Variants in SNX13 observed in about 807,000 individuals in gnomAD.
SNX13 encodes the protein sorting nexin-13.
In SNX13, 45 loss-of-function variants were observed where a neutral mutation model predicts 133.6. That is an observed-to-expected ratio of 0.34 (90% confidence interval 0.27 to 0.43). SNX13 has a LOEUF of 0.43. SNX13 is among the 20% of genes least tolerant of loss of function. The probability of loss-of-function intolerance (pLI) is 1.00; values close to 1 mark genes in which losing one functional copy is unlikely to be tolerated. For synonymous variants in SNX13, 414 were observed against 373.9 expected (o/e 1.11, Z -1.24); for missense variants, 1,032 against 1,145.1 (o/e 0.90, Z 1.43).
intron 9 of SNX13, among the ~76,000 whole-genome samples, chr7:17,867,321 C>T (rs10265830): frequency 1.1e-4 from 17 of 152,176 alleles, no homozygotes; most frequent in African/African-American, 3.9e-4. Flanking sequence ...AATAAAACAA[C>T]AGCAGCCAGG....
intron 5 of SNX13, 88 bp from the exon 6 acceptor site, chr7:17,875,878 T>C (rs975515516): frequency 1.9e-6 from 2 of 1,043,454 alleles, no homozygotes; most frequent in Non-Finnish European, 2.7e-6. Context: ...ACAAACAACA[T>C]GATTATCTGA....
At chr7:17,805,250 T>TGTGTGTGTGTGTGTGCGCGCGCGCGC in intron 20 of SNX13, among the ~76,000 whole-genome samples, 6 of 95,556 alleles carry the variant, frequency 6.3e-5, no homozygotes, top group Non-Finnish European at 1.0e-4. Flanking sequence ...TGTGTGTGTG[T>TGTGTGTGTGTGTGTGCGCGCGCGCGC]GCGTGCGCGC....
At chr7:17,872,653 G>C (rs1794250189) in intron 8 of SNX13, among the ~76,000 whole-genome samples, 1 of 152,164 alleles carries the variant, frequency 6.6e-6, no homozygotes. Flanking sequence ...CCCCAAGCTA[G>C]GTAGATGTTA....
intron 20 of SNX13, among the ~76,000 whole-genome samples, chr7:17,806,244 G>A (rs540628589): frequency 2.0e-5 from 3 of 152,128 alleles, no homozygotes; most frequent in Middle Eastern, 3.2e-3. Context: ...GAAAGATACT[G>A]TGTACAAAGG....
chr7:17,831,455 G>C, intron 15 of SNX13: 1 of 945,166 alleles, frequency 1.1e-6, no homozygotes, highest in Non-Finnish European at 1.3e-6. Flanking sequence ...AGGAAGAAAT[G>C]AGGAGAAAAG....
At chr7:17,827,374 T>C (rs924976388) in intron 16 of SNX13, among the ~76,000 whole-genome samples, 1 of 152,034 alleles carries the variant, frequency 6.6e-6, no homozygotes, top group South Asian at 2.1e-4. Context: ...TTAAAAATAA[T>C]AGGATGTGAA....
At chr7:17,799,715 T>C (rs2723553) in intron 22 of SNX13, among the ~76,000 whole-genome samples, 83,751 of 151,386 alleles carry the variant, frequency 0.55, 23,572 homozygotes, top group East Asian at 0.72. Flanking sequence ...ACTAGAATTT[T>C]CTTTTAGCTT....
chr7:17,934,958 A>G (rs1374859325), intron 1 of SNX13, among the ~76,000 whole-genome samples: 4 of 152,254 alleles, frequency 2.6e-5, no homozygotes. Context: ...AACATTATGA[A>G]AAATGGTATG....
At chr7:17,853,950 T>G (rs1365993297) in intron 9 of SNX13, among the ~76,000 whole-genome samples, 9 of 132,462 alleles carry the variant, frequency 6.8e-5, no homozygotes, top group East Asian at 2.2e-4. Flanking sequence ...CCAAAAAAAA[T>G]AAAAAAAGAA....
intron 9 of SNX13, among the ~76,000 whole-genome samples, chr7:17,853,941 CA>C: frequency 7.0e-6 from 1 of 141,944 alleles, no homozygotes; most frequent in African/African-American, 2.6e-5. Context: ...AATCCATCTC[CA>C]AAAAAAATAA....
chr7:17,890,198 G>C, intron 5 of SNX13, 165 bp downstream of exon 5: 7 of 510,420 alleles, frequency 1.4e-5, no homozygotes, highest in Non-Finnish European at 2.2e-5. Flanking sequence ...GTAATTTAAA[G>C]GTTTTAAGAG....
At chr7:17,879,892 C>G (rs1405974870) in intron 5 of SNX13, 1 of 152,208 alleles carries the variant, frequency 6.6e-6, no homozygotes, top group African/African-American at 2.4e-5. Flanking sequence ...TTTGTTTTCT[C>G]TAACAACACT....
chr7:17,863,681 A>C (rs1168211868), intron 9 of SNX13, among the ~76,000 whole-genome samples: 1 of 152,214 alleles, frequency 6.6e-6, no homozygotes, highest in Non-Finnish European at 1.5e-5. Flanking sequence ...GCAGCCAGGC[A>C]GCAGTGGCCA....
At chr7:17,839,045 T>A (rs1270787587) in intron 13 of SNX13, among the ~76,000 whole-genome samples, 1 of 148,136 alleles carries the variant, frequency 6.8e-6, no homozygotes, top group African/African-American at 2.4e-5. Context: ...TATTACAATA[T>A]TATTAGATTA....
intron 13 of SNX13, among the ~76,000 whole-genome samples, chr7:17,836,961 C>T (rs1351226256): frequency 2.0e-5 from 3 of 151,918 alleles, no homozygotes; most frequent in African/African-American, 4.8e-5. Flanking sequence ...GTTTCCTTCT[C>T]TAATACTTTT....
At chr7:17,825,164 A>G (rs974354184) in intron 17 of SNX13, among the ~76,000 whole-genome samples, 2 of 152,192 alleles carry the variant, frequency 1.3e-5, no homozygotes, top group Non-Finnish European at 2.9e-5. Flanking sequence ...GCAGGCAACA[A>G]ATGTAAATTG....
rs149139230 is a variant in SNX13 at position 17,918,804 on chromosome 7, T to C, written c.13-21358A>G. ...TCTACCAAAAGGTAATCTGCACTCA[T>C]ATGTTTATCACAGTACTATTCACAA... On this transcript the variant is annotated intron_variant, in intron 1 of 25. Transcript: ENST00000428135. 9.2e-5 allele frequency among the ~76,000 whole-genome samples: 14 copies of C among 152,330 alleles called. No homozygotes were observed. The East Asian group carries it at 2.7e-3, about 29-fold the overall frequency.
Position 17,798,721 on chromosome 7 carries a change from C to T in SNX13, c.2482G>A (p.Glu828Lys). The T allele has an allele frequency of 6.4e-7, 1 of 1,570,604 alleles. No individual in the cohort carries two copies. The highest frequency in any genetic ancestry group is 8.6e-7 in the Non-Finnish European group (1 of 1,162,122). ...CGTTTCACTGAGTCGGCTACTTGTT[C>T]AGGTGAAGTCATCCAGTCAACATGG... is the stretch of plus-strand genomic sequence containing the variant. The part of the protein sequence containing the change: ...VDHVDWMTSP[E>K]QVADSVKRFR... The change falls in exon 24 of 26, where the codon GAA becomes AAA. Residue 828 changes from glutamate (E) to lysine (K), a missense_variant. Glu to Lys is a moderately conservative substitution (Grantham distance 56, BLOSUM62 1). Coordinates refer to ENST00000428135, the MANE Select transcript of SNX13 (RefSeq NM_015132.5).
chr7:17,922,466 C>A (rs1197144625), intron 1 of SNX13, among the ~76,000 whole-genome samples: 2 of 152,170 alleles, frequency 1.3e-5, no homozygotes, highest in Non-Finnish European at 2.9e-5. Context: ...ACAACATCTG[C>A]CACACAAAGT....
Sources: gnomAD v4.1 joint callset for allele counts (sites outside exome capture counted in the v4.1 genomes callset) on GRCh38, gnomAD v4.1.1 for gene constraint, MANE v1.5 for transcripts, NCBI Gene and HGNC (gene_info 2026-07-23, HGNC 2026-07-21) for gene names.